Variants in RBFOX1 observed in about 807,000 individuals in gnomAD.
The protein encoded by RBFOX1 is RNA binding fox-1 homolog 1, also known as RNA binding protein fox-1 homolog 1.
RBFOX1 carries 8 observed loss-of-function variants against 57.7 expected under a neutral mutation model. That is an observed-to-expected ratio of 0.14 (90% confidence interval 0.08 to 0.25). The LOEUF (loss-of-function observed/expected upper bound fraction) is 0.25. Ranked by LOEUF, RBFOX1 falls within the 10% of genes least tolerant of loss-of-function variation. The pLI, the probability that RBFOX1 is intolerant of heterozygous loss-of-function variation, is 1.00. For missense variants in RBFOX1, 611 were observed against 548.5 expected (o/e 1.11, Z -1.14); for synonymous variants, 326 against 222.4 (o/e 1.47, Z -4.15).
At chr16:6,679,206 G>A (rs184658522) in intron 3 of RBFOX1, among the ~76,000 whole-genome samples, 2 of 152,002 alleles carry the variant, frequency 1.3e-5, no homozygotes, top group East Asian at 1.9e-4. Context: ...TATCAGACTG[G>A]TTTTCAGTTT....
intron 3 of RBFOX1, among the ~76,000 whole-genome samples, chr16:7,010,005 C>G (rs1322160940): frequency 2.6e-5 from 4 of 151,404 alleles, no homozygotes; most frequent in Non-Finnish European, 5.9e-5. Context: ...ATCAATTAGA[C>G]TTGATAGAAG....
intron 1 of RBFOX1, among the ~76,000 whole-genome samples, chr16:6,224,391 G>C (rs1298102176): frequency 1.3e-5 from 2 of 152,084 alleles, no homozygotes; most frequent in African/African-American, 4.8e-5. Flanking sequence ...GCAGTGGTTT[G>C]TAGTTCTCCT....
chr16:5,396,284 C>T (rs1324038079), intron 1 of RBFOX1, among the ~76,000 whole-genome samples: 1 of 152,168 alleles, frequency 6.6e-6, no homozygotes. Context: ...AATATCCCTA[C>T]ATCTCCCTAG....
chr16:7,158,069 C>G (rs2077505806), intron 4 of RBFOX1, among the ~76,000 whole-genome samples: 3 of 152,128 alleles, frequency 2.0e-5, no homozygotes, highest in Admixed American at 6.5e-5. Context: ...ACAGGGTTGG[C>G]TGGGCGCGGT....
intron 1 of RBFOX1, among the ~76,000 whole-genome samples, chr16:5,339,984 G>C (rs1025654398): frequency 3.9e-5 from 6 of 152,146 alleles, no homozygotes; most frequent in Non-Finnish European, 7.4e-5. Flanking sequence ...AGATGTTGAG[G>C]AATGAAGTGT....
chr16:7,033,805 T>A (rs539975407), intron 3 of RBFOX1, among the ~76,000 whole-genome samples: 1 of 152,070 alleles, frequency 6.6e-6, no homozygotes, highest in African/African-American at 2.4e-5. Flanking sequence ...TCATCTCTAC[T>A]AAAAATAAAA....
intron 3 of RBFOX1, among the ~76,000 whole-genome samples, chr16:6,950,829 C>T (rs565959613): frequency 1.3e-5 from 2 of 152,240 alleles, no homozygotes; most frequent in East Asian, 1.9e-4. Flanking sequence ...CATTTCCTTC[C>T]TCAGCTCTTT....
chr16:5,543,869 A>G (rs2045070861), intron 2 of RBFOX1, among the ~76,000 whole-genome samples: 2 of 152,228 alleles, frequency 1.3e-5, no homozygotes, highest in Admixed American at 1.3e-4. Flanking sequence ...AAGTGTAAAG[A>G]TAGGGAGTAA....
intron 3 of RBFOX1, among the ~76,000 whole-genome samples, chr16:6,710,043 A>T (rs751516759): frequency 3.4e-4 from 52 of 152,026 alleles, no homozygotes; most frequent in Non-Finnish European, 5.7e-4. Context: ...ACCCTTTGAG[A>T]GATGGGACAG....
chr16:5,933,390 G>A (rs539220105), intron 4 of RBFOX1, among the ~76,000 whole-genome samples: 1 of 152,268 alleles, frequency 6.6e-6, no homozygotes, highest in African/African-American at 2.4e-5. Flanking sequence ...TCTTATGCAC[G>A]CATGTACCAG....
intron 3 of RBFOX1, among the ~76,000 whole-genome samples, chr16:6,817,168 G>C (rs1295105299): frequency 6.6e-6 from 1 of 152,142 alleles, no homozygotes. Context: ...CTGATCCCTT[G>C]ACTGGACCTG....
At chr16:7,672,865 C>CAAAAA (rs56693228) in intron 13 of RBFOX1, among the ~76,000 whole-genome samples, 3,809 of 42,838 alleles carry the variant, frequency 0.089, 1,191 homozygotes, top group East Asian at 0.33. Flanking sequence ...GACTCCATCT[C>CAAAAA]AAAAAAAAAA....
At chr16:7,653,991 T>C (rs1306486014) in intron 12 of RBFOX1, 44 bp downstream of exon 12, 13 of 1,448,570 alleles carry the variant, frequency 9.0e-6, no homozygotes, top group African/African-American at 1.4e-5. Flanking sequence ...GCACCAGCCC[T>C]CCCTCCCCAG....
intron 4 of RBFOX1, among the ~76,000 whole-genome samples, chr16:7,388,411 A>G (rs2097920191): frequency 6.6e-6 from 1 of 152,196 alleles, no homozygotes; most frequent in Admixed American, 6.5e-5. Context: ...TAAAATCTGT[A>G]GAGTGAAGTG....
intron 3 of RBFOX1, among the ~76,000 whole-genome samples, chr16:6,820,657 TC>T (rs1190069397): frequency 7.2e-6 from 1 of 139,570 alleles, no homozygotes; most frequent in Non-Finnish European, 1.6e-5. Context: ...AGACCCTGTC[TC>T]CAAAAAAAAA....
At chr16:7,464,936 A>G (rs1005306888) in intron 4 of RBFOX1, among the ~76,000 whole-genome samples, 1 of 151,560 alleles carries the variant, frequency 6.6e-6, no homozygotes, top group Non-Finnish European at 1.5e-5. Context: ...TGACCTCGTG[A>G]TCAGTCCACC....
intron 3 of RBFOX1, among the ~76,000 whole-genome samples, chr16:6,698,494 C>G (rs13337871): frequency 0.077 from 11,791 of 152,228 alleles, 499 homozygotes; most frequent in African/African-American, 0.095. Context: ...GGGCTGGGCC[C>G]TGTCTTTCCC....
chr16:5,331,414 A>G (rs868241), intron 1 of RBFOX1, among the ~76,000 whole-genome samples: 137,051 of 152,256 alleles, frequency 0.9, 63,442 homozygotes, highest in East Asian at 1. Flanking sequence ...AGACTCATTC[A>G]TGTGTCTGGA....
At chr16:6,935,188 G>A (rs1328441340) in intron 3 of RBFOX1, among the ~76,000 whole-genome samples, 2 of 152,218 alleles carry the variant, frequency 1.3e-5, no homozygotes, top group Non-Finnish European at 2.9e-5. Context: ...ATCGAAGTGA[G>A]ATAATAATAC....
Sources: allele counts gnomAD v4.1 joint callset (sites outside exome capture counted in the v4.1 genomes callset), GRCh38; gene constraint gnomAD v4.1.1; transcripts MANE v1.5; gene names NCBI Gene and HGNC (gene_info 2026-07-23, HGNC 2026-07-21).